AAK1: variants seen among roughly 807,000 people sequenced by gnomAD.
AAK1 encodes AP2 associated kinase 1.
A neutral mutation model predicts 116.0 loss-of-function variants in AAK1; 37 were observed. The observed-to-expected ratio is 0.32, with a 90% CI of 0.25 to 0.42. AAK1 has a LOEUF of 0.42. AAK1 is among the 10% of genes least tolerant of loss of function. AAK1 has a pLI of 1.00. For missense variants in AAK1, 919 were observed against 1,170.6 expected (o/e 0.79, Z 3.14); for synonymous variants, 458 against 439.9 (o/e 1.04, Z -0.51).
chr2:69,481,132 G>T, intron 18 of AAK1, 171 bp from the exon 19 acceptor site: 1 of 529,788 alleles, frequency 1.9e-6, no homozygotes, highest in Non-Finnish European at 3.3e-6. Context: ...AAAGTCCTGT[G>T]GTTACAAGTG....
At chr2:69,479,096 T>G (rs747485630) in intron 19 of AAK1, 35 bp from the exon 20 acceptor site, 1 of 1,320,174 alleles carries the variant, frequency 7.6e-7, no homozygotes, top group South Asian at 1.2e-5. Flanking sequence ...AGGTCAGTGA[T>G]GGCATTAAGT....
At chr2:69,527,342 T>C in intron 8 of AAK1, 23 bp from the exon 9 acceptor site, 2 of 1,432,860 alleles carry the variant, frequency 1.4e-6, no homozygotes, top group South Asian at 2.4e-5. Flanking sequence ...TGTGAATTTA[T>C]TTAATAATAT....
intron 16 of AAK1, among the ~76,000 whole-genome samples, chr2:69,501,311 G>GCATA (rs766757842): frequency 6.6e-6 from 1 of 151,734 alleles, no homozygotes; most frequent in Non-Finnish European, 1.5e-5. Context: ...ATGATGAAAA[G>GCATA]CATAACTCCA....
At position 69,527,270 on chromosome 2, in the gene AAK1, C is replaced by T; in HGVS notation, c.921G>A (p.Val307=). ...TGAGTAGCTTAAATGAGAAGTAGGACACCTGGTAAATATCCGGCCTTTTGT... is the reference window on the plus strand; with the variant it reads ...TGAGTAGCTTAAATGAGAAGTAGGATACCTGGTAAATATCCGGCCTTTTGT... ...DPDKRPDIYQ[V]SYFSFKLLKK... Residue 307 remains valine (V), a synonymous_variant, in exon 9 of 22, where the codon GTG becomes GTA. Coordinates refer to ENST00000409085, the MANE Select transcript of AAK1 (RefSeq NM_014911.5). The T allele has an allele frequency of 6.2e-7, 1 of 1,610,294 alleles. No individual in the cohort carries two copies. Among genetic ancestry groups the T allele is most frequent in the African/African-American group, 1.3e-5 (1 of 74,998 alleles).
intron 2 of AAK1, among the ~76,000 whole-genome samples, chr2:69,585,730 G>A (rs1672736409): frequency 6.6e-6 from 1 of 152,206 alleles, no homozygotes; most frequent in Non-Finnish European, 1.5e-5. Flanking sequence ...TACATATGAT[G>A]TGGCATATGG....
At chr2:69,524,711 A>G (rs1215876956) in intron 10 of AAK1, among the ~76,000 whole-genome samples, 3 of 152,174 alleles carry the variant, frequency 2.0e-5, no homozygotes, top group African/African-American at 7.2e-5. Context: ...GGGATTATAG[A>G]CGTGAAACAC....
In AAK1 at chr2:69,470,863, T is replaced by C. The variant is rs184714787; in HGVS notation, c.*5006A>G. ...ATCCTTTCTGCAAAAAAGTGGGTTT[T>C]CAGCTCAGGAAAAGAGCAACTTATT... On this transcript the variant is annotated 3_prime_UTR_variant, in exon 22 of 22. Coordinates refer to ENST00000409085, the MANE Select transcript of AAK1 (RefSeq NM_014911.5). 12 of 985,898 alleles carry C rather than the reference T, an allele frequency of 1.2e-5. No individual in the cohort carries two copies. The East Asian group carries it at 1.4e-3, about 112-fold the overall frequency. The allele number at this position is 985,898 out of a possible 1,614,324, so 61.1% of individuals were successfully genotyped here. A position where few individuals can be genotyped will look rare whatever the true frequency, so the allele number is the denominator to read the frequency against.
intron 16 of AAK1, among the ~76,000 whole-genome samples, chr2:69,500,698 T>TATAGACACACACAC: frequency 3.1e-5 from 2 of 65,102 alleles, no homozygotes; most frequent in African/African-American, 1.6e-4. Context: ...TATATATATA[T>TATAGACACACACAC]ACACACACAC....
rs1674682110 is a variant in AAK1 at position 69,471,560 on chromosome 2, C to T, written c.*4309G>A. On this transcript the variant is annotated 3_prime_UTR_variant, in exon 22 of 22. Transcript: ENST00000409085. ...GCCAGGCAGCCTCTAATTTGCTTAA[C>T]CCGGCACACTGGGCAATCCTGTCAT... 6 of 985,302 alleles carry T rather than the reference C, an allele frequency of 6.1e-6. No homozygotes were observed. The highest frequency in any genetic ancestry group is 2.3e-4 in the East Asian group (2 of 8,830). The allele number at this position is 985,302 out of a possible 1,614,324, so 61.0% of individuals were successfully genotyped here.
At chr2:69,626,100 C>T (rs1674884521) in intron 2 of AAK1, among the ~76,000 whole-genome samples, 1 of 152,152 alleles carries the variant, frequency 6.6e-6, no homozygotes, top group African/African-American at 2.4e-5. Flanking sequence ...GAGTTCACGA[C>T]CTCACCCATG....
intron 2 of AAK1, among the ~76,000 whole-genome samples, chr2:69,636,679 T>C (rs141889788): frequency 2.0e-5 from 3 of 151,888 alleles, no homozygotes; most frequent in Admixed American, 6.6e-5. Context: ...TGAACTGCTA[T>C]TTTAGATAAT....
At chr2:69,614,601 C>T (rs1674238273) in intron 2 of AAK1, among the ~76,000 whole-genome samples, 1 of 152,158 alleles carries the variant, frequency 6.6e-6, no homozygotes, top group Non-Finnish European at 1.5e-5. Context: ...TCTCCTTCAC[C>T]ACTCTGGTAG....
intron 2 of AAK1, among the ~76,000 whole-genome samples, chr2:69,610,400 A>G (rs1294317992): frequency 6.6e-6 from 1 of 152,250 alleles, no homozygotes; most frequent in Admixed American, 6.5e-5. Flanking sequence ...CAAATTCCTC[A>G]GAAGAAAACA....
chr2:69,590,089 T>TG (rs1001484496), intron 2 of AAK1, among the ~76,000 whole-genome samples: 4 of 152,170 alleles, frequency 2.6e-5, no homozygotes, highest in African/African-American at 9.7e-5. Flanking sequence ...GAAGATAAGC[T>TG]GGGAGCTTCA....
chr2:69,634,179 T>C (rs1340542967), intron 2 of AAK1, among the ~76,000 whole-genome samples: 2 of 92,498 alleles, frequency 2.2e-5, no homozygotes, highest in African/African-American at 5.6e-5. Flanking sequence ...AAAATATATA[T>C]ATAAAAAGAA....
chr2:69,636,790 C>T (rs918737929), intron 2 of AAK1, among the ~76,000 whole-genome samples: 7 of 151,726 alleles, frequency 4.6e-5, no homozygotes, highest in African/African-American at 1.2e-4. Context: ...ACCTCTGCCT[C>T]CCGGATTCAA....
intron 9 of AAK1, 31 bp from the exon 10 acceptor site, chr2:69,525,143 C>T (rs755419829): frequency 6.2e-7 from 1 of 1,600,584 alleles, no homozygotes; most frequent in Non-Finnish European, 8.6e-7. Context: ...CAGAACAAAA[C>T]AAAAGGACAT....
At chr2:69,552,538 C>T (rs1251793127) in intron 3 of AAK1, among the ~76,000 whole-genome samples, 1 of 151,740 alleles carries the variant, frequency 6.6e-6, no homozygotes, top group African/African-American at 2.4e-5. Context: ...ATGGTGAAAC[C>T]CCATCTCTAC....
Position 69,475,944 on chromosome 2 carries a change from G to A in AAK1, c.2811C>T (p.Ser937=), listed in dbSNP as rs915944514. The A allele has an allele frequency of 1.9e-6, 3 of 1,612,136 alleles. No homozygotes were observed. The highest frequency in any genetic ancestry group is 1.7e-6 in the Non-Finnish European group (2 of 1,179,148). The change falls in exon 22 of 22, where the codon AGC becomes AGT. Residue 937 remains serine (S), a synonymous_variant. Transcript: ENST00000409085. ...KNPQGGHSRN[S]SGSSESSLPN... ...GAAGACTGGACTCAGAGCTCCCACT[G>A]CTGTTTCTAGAGTGCCCACCTGGAA... is the stretch of plus-strand genomic sequence containing the variant.
Sources: allele counts gnomAD v4.1 joint callset (sites outside exome capture counted in the v4.1 genomes callset), GRCh38; gene constraint gnomAD v4.1.1; transcripts MANE v1.5; gene names NCBI Gene and HGNC (gene_info 2026-07-23, HGNC 2026-07-21).